OSBPL10: variants seen among roughly 807,000 people sequenced by gnomAD.
OSBPL10 encodes the protein oxysterol binding protein like 10.
Under a neutral mutation model 81.7 loss-of-function variants are expected in OSBPL10, and 49 were observed. That is an observed-to-expected ratio of 0.60 (90% CI 0.48 to 0.76). The LOEUF is 0.76. Among genes scored for constraint, OSBPL10 ranks in the 30% least tolerant of loss-of-function variants. The pLI is 0.00. For synonymous variants in OSBPL10, 419 were observed against 383.6 expected (o/e 1.09, Z -1.08); for missense variants, 923 against 987.8 (o/e 0.93, Z 0.88).
intron 7 of OSBPL10, among the ~76,000 whole-genome samples, chr3:31,686,587 C>T (rs1030227561): frequency 6.6e-6 from 1 of 152,090 alleles, no homozygotes; most frequent in African/African-American, 2.4e-5. Context: ...TATCTTTCTG[C>T]TTTGTTTTTA....
At chr3:32,041,017 A>G (rs1293343169) in intron 2 of OSBPL10, among the ~76,000 whole-genome samples, 1 of 152,204 alleles carries the variant, frequency 6.6e-6, no homozygotes, top group Non-Finnish European at 1.5e-5. Flanking sequence ...GGAATAACAC[A>G]GATGCAACTT....
intron 1 of OSBPL10, among the ~76,000 whole-genome samples, chr3:31,943,527 T>C (rs1697596315): frequency 6.6e-6 from 1 of 152,160 alleles, no homozygotes; most frequent in Non-Finnish European, 1.5e-5. Context: ...CCAGAGAAAG[T>C]CGCTGTTAAT....
intron 4 of OSBPL10, among the ~76,000 whole-genome samples, chr3:31,829,458 A>C (rs1700179633): frequency 6.6e-6 from 1 of 152,226 alleles, no homozygotes; most frequent in Non-Finnish European, 1.5e-5. Context: ...CTATTTCCCC[A>C]GAGAAGGCTG....
chr3:31,958,778 C>T (rs1358592932), intron 1 of OSBPL10, among the ~76,000 whole-genome samples: 2 of 152,174 alleles, frequency 1.3e-5, no homozygotes, highest in Admixed American at 6.5e-5. Context: ...ATCCAGCCCA[C>T]CACTTATTTT....
rs1430043507 is a variant in OSBPL10, at chr3:32,048,530, C to T, written n.186-1927G>A. 2.6e-5 allele frequency among the ~76,000 whole-genome samples: 4 copies of T among 152,280 alleles called. No homozygotes were observed. In the East Asian group the frequency reaches 7.7e-4, roughly 29 times the overall value. ...CCATGTTGGTCAGGCTGGTCTCAAA[C>T]TCCTGACCTCAGGTGATCCACCCGC... On this transcript the variant is annotated intron_variant and non_coding_transcript_variant, in intron 1 of 3. Transcript: ENST00000479173.
chr3:31,791,819 T>C (rs564840556), intron 4 of OSBPL10, among the ~76,000 whole-genome samples: 6 of 150,298 alleles, frequency 4.0e-5, no homozygotes, highest in African/African-American at 4.9e-5. Flanking sequence ...AAATGAAAAA[T>C]TGGGTTTCAA....
intron 2 of OSBPL10, among the ~76,000 whole-genome samples, chr3:32,009,311 T>A (rs558424774): frequency 6.6e-6 from 1 of 152,342 alleles, no homozygotes; most frequent in African/African-American, 2.4e-5. Flanking sequence ...GGAAAGAAGC[T>A]AATGAATCAG....
At chr3:31,745,621 G>A (rs1697495780) in intron 5 of OSBPL10, among the ~76,000 whole-genome samples, 1 of 152,332 alleles carries the variant, frequency 6.6e-6, no homozygotes, top group East Asian at 1.9e-4. Flanking sequence ...AGGCCGGGAA[G>A]ACGCCTGCCA....
At chr3:32,004,314 A>T (rs1431957498) in intron 2 of OSBPL10, among the ~76,000 whole-genome samples, 2 of 152,102 alleles carry the variant, frequency 1.3e-5, no homozygotes, top group Non-Finnish European at 2.9e-5. Context: ...AGGGAGCAGC[A>T]TGTGGTACTG....
At chr3:31,703,814 T>C (rs1239376793) in intron 6 of OSBPL10, 1 of 152,186 alleles carries the variant, frequency 6.6e-6, no homozygotes, top group Non-Finnish European at 1.5e-5. Context: ...CACAGGATAT[T>C]CCCCCAGCCA....
chr3:32,020,834 G>T (rs1016762640), intron 2 of OSBPL10, among the ~76,000 whole-genome samples: 1 of 152,216 alleles, frequency 6.6e-6, no homozygotes, highest in Non-Finnish European at 1.5e-5. Flanking sequence ...AGGTGGTTGT[G>T]TTAGTCCGCT....
At chr3:31,971,868 C>T (rs778353030) in intron 1 of OSBPL10, among the ~76,000 whole-genome samples, 33 of 152,218 alleles carry the variant, frequency 2.2e-4, no homozygotes, top group Non-Finnish European at 4.6e-4. Context: ...TACTTACTAT[C>T]TGGCCCTTTA....
intron 8 of OSBPL10, among the ~76,000 whole-genome samples, chr3:31,676,850 C>T (rs1392207233): frequency 1.3e-5 from 2 of 152,176 alleles, no homozygotes; most frequent in Non-Finnish European, 2.9e-5. Context: ...CACACTTTCC[C>T]GTGGACAGAG....
At chr3:31,986,285 G>A (rs1698931674), upstream of OSBPL10, 1 of 152,168 alleles carries the variant, frequency 6.6e-6, no homozygotes, top group African/African-American at 2.4e-5. Context: ...ACTCAAAGAG[G>A]AGGAGTTGAT....
chr3:31,876,386 C>T, intron 3 of OSBPL10, 47 bp downstream of exon 3: 1 of 1,496,048 alleles, frequency 6.7e-7, no homozygotes, highest in Admixed American at 1.7e-5. Context: ...GGGCTGAAAG[C>T]CAGGCTGGTT....
intron 4 of OSBPL10, among the ~76,000 whole-genome samples, chr3:31,818,471 G>A (rs1308899901): frequency 6.6e-6 from 1 of 152,080 alleles, no homozygotes; most frequent in Non-Finnish European, 1.5e-5. Flanking sequence ...ACAGGCACAC[G>A]CACATACACA....
chr3:31,768,508 C>T (rs951571085), intron 4 of OSBPL10, among the ~76,000 whole-genome samples: 1 of 151,932 alleles, frequency 6.6e-6, no homozygotes, highest in Non-Finnish European at 1.5e-5. Flanking sequence ...AATATTAGTA[C>T]TCTTGCAGAT....
chr3:31,801,397 T>C (rs1243693211), intron 4 of OSBPL10, among the ~76,000 whole-genome samples: 1 of 152,210 alleles, frequency 6.6e-6, no homozygotes, highest in Non-Finnish European at 1.5e-5. Flanking sequence ...GAGTGGGTTA[T>C]AACCTCCTGT....
chr3:32,008,302 G>C (rs540288865), intron 2 of OSBPL10, among the ~76,000 whole-genome samples: 1 of 148,638 alleles, frequency 6.7e-6, no homozygotes, highest in Admixed American at 6.7e-5. Context: ...ACAGGTGCCC[G>C]CCACAATGCT....
Sources: allele counts gnomAD v4.1 joint callset (sites outside exome capture counted in the v4.1 genomes callset), GRCh38; gene constraint gnomAD v4.1.1; transcripts MANE v1.5; gene names NCBI Gene and HGNC (gene_info 2026-07-23, HGNC 2026-07-21).